Variants in MAN2B2 observed in about 807,000 individuals in gnomAD.
MAN2B2 encodes the protein mannosidase alpha class 2B member 2.
MAN2B2 carries 106 observed loss-of-function variants against 117.1 expected under a neutral mutation model. The ratio of observed to expected loss-of-function variants is 0.90; its 90% CI spans 0.77 to 1.06. The LOEUF (loss-of-function observed/expected upper bound fraction) is 1.06, where lower values mean the gene tolerates loss of function less well. MAN2B2 is among the 50% of genes least tolerant of loss of function. The pLI, the probability that MAN2B2 is intolerant of heterozygous loss-of-function variation, is 0.00. For missense variants in MAN2B2, 1,326 were observed against 1,381.4 expected, an observed-to-expected ratio of 0.96 and a Z score of 0.64; for synonymous variants, 544 against 595.1, an observed-to-expected ratio of 0.91 and a Z score of 1.25.
chr4:6,605,739 T>C (rs1577289652), intron 11 of MAN2B2, among the ~76,000 whole-genome samples: 1 of 151,768 alleles, frequency 6.6e-6, no homozygotes, highest in Non-Finnish European at 1.5e-5. Context: ...CACCCACTTA[T>C]CTACCCACCC....
In MAN2B2 at chr4:6,622,526, C is replaced by T. The variant is rs1712220317; in HGVS notation, c.*1241C>T. On this transcript the variant is annotated 3_prime_UTR_variant, in exon 19 of 19. Coordinates refer to ENST00000285599, the MANE Select transcript of MAN2B2 (RefSeq NM_015274.3). ...AGATCTCAGCTCACTGCGACCTGCACCTCCTGGGTTCAAGCAATTCTCCAG... is the reference window on the plus strand; with the variant it reads ...AGATCTCAGCTCACTGCGACCTGCATCTCCTGGGTTCAAGCAATTCTCCAG... The T allele has an allele frequency of 6.6e-6, 1 of 151,792 alleles. No individual in the cohort carries two copies. The highest frequency in any genetic ancestry group is 2.4e-5 in the African/African-American group (1 of 41,326). The allele number at this position is 151,792 out of a possible 1,614,324, so 9.4% of individuals were successfully genotyped here. A position where few individuals can be genotyped will look rare whatever the true frequency, so the allele number is the denominator to read the frequency against.
At chr4:6,575,787 T>G (rs1321698254) in intron 1 of MAN2B2, among the ~76,000 whole-genome samples, 1 of 152,308 alleles carries the variant, frequency 6.6e-6, no homozygotes, top group Admixed American at 6.5e-5. Flanking sequence ...AAGGTGGACC[T>G]GTGGTCACCT....
intron 3 of MAN2B2, 150 bp downstream of exon 3, chr4:6,578,648 A>G (rs1726162412): frequency 1.6e-6 from 1 of 636,088 alleles, no homozygotes; most frequent in South Asian, 1.9e-5. Flanking sequence ...TGCTAGTGCC[A>G]TATTCATGCC....
At chr4:6,598,767 A>T (rs540320486) in intron 9 of MAN2B2, among the ~76,000 whole-genome samples, 4 of 152,300 alleles carry the variant, frequency 2.6e-5, no homozygotes, top group Non-Finnish European at 5.9e-5. Context: ...CAGGGATTGA[A>T]CCTGAACACG....
rs1712234231 is a variant in MAN2B2, at chr4:6,622,899, G to C, written c.*1614G>C. 6.6e-6 allele frequency: 1 copy of C among 151,968 alleles called. No homozygotes were observed. Among genetic ancestry groups the C allele is most frequent in the African/African-American group, 2.4e-5 (1 of 41,012 alleles). 9.4% of individuals were successfully genotyped at this position (151,968 alleles called of 1,614,324 possible). A position where few individuals can be genotyped will look rare whatever the true frequency, so the allele number is the denominator to read the frequency against. ...GACAGTCTCTGGTTTGGCCAGGCAGGAGCTGGGCTGGAGTTGCTGACCAAG... is the reference window on the plus strand; with the variant it reads ...GACAGTCTCTGGTTTGGCCAGGCAGCAGCTGGGCTGGAGTTGCTGACCAAG... On this transcript the variant is annotated 3_prime_UTR_variant, in exon 19 of 19. Coordinates refer to ENST00000285599, the MANE Select transcript of MAN2B2 (RefSeq NM_015274.3).
chr4:6,583,067 G>A (rs993836616), intron 3 of MAN2B2, among the ~76,000 whole-genome samples: 6 of 152,190 alleles, frequency 3.9e-5, no homozygotes, highest in African/African-American at 1.4e-4. Context: ...CCATCTTGAT[G>A]TTCAGCCATC....
intron 10 of MAN2B2, among the ~76,000 whole-genome samples, chr4:6,601,765 A>C (rs1727339739): frequency 6.6e-6 from 1 of 152,218 alleles, no homozygotes; most frequent in Admixed American, 6.5e-5. Flanking sequence ...GCTCTGTGGC[A>C]AGAGCTGCAG....
At chr4:6,575,810 C>A (rs1726035126) in intron 1 of MAN2B2, among the ~76,000 whole-genome samples, 1 of 152,194 alleles carries the variant, frequency 6.6e-6, no homozygotes, top group Non-Finnish European at 1.5e-5. Flanking sequence ...TGGTTCTGCT[C>A]AGGACCTTGG....
chr4:6,593,940 G>A (rs1726965092), intron 6 of MAN2B2, among the ~76,000 whole-genome samples: 1 of 152,186 alleles, frequency 6.6e-6, no homozygotes, highest in African/African-American at 2.4e-5. Flanking sequence ...CCTTAGGGTG[G>A]CTAGGAAGGG....
chr4:6,619,713 G>A (rs998143150), intron 17 of MAN2B2: 6 of 512,542 alleles, frequency 1.2e-5, no homozygotes, highest in South Asian at 4.4e-5. Flanking sequence ...TGCACCTCCC[G>A]CTTCAGTGTC....
intron 3 of MAN2B2, among the ~76,000 whole-genome samples, chr4:6,581,114 TG>T (rs946626382): frequency 6.6e-6 from 1 of 152,086 alleles, no homozygotes; most frequent in African/African-American, 2.4e-5. Flanking sequence ...ATCTGGTAGA[TG>T]GGTAATCTTA....
intron 8 of MAN2B2, 147 bp downstream of exon 8, chr4:6,597,450 G>C (rs190783342): frequency 1.1e-6 from 1 of 897,996 alleles, no homozygotes; most frequent in East Asian, 3.1e-5. Flanking sequence ...TGGTTACAAG[G>C]CCAGTGCATG....
intron 18 of MAN2B2, chr4:6,620,464 C>CGAGA: frequency 5.0e-6 from 1 of 198,180 alleles, no homozygotes; most frequent in Non-Finnish European, 1.1e-5. Flanking sequence ...GCACCATGCC[C>CGAGA]TCTGCCTGGG....
chr4:6,597,342 TC>T, intron 8 of MAN2B2, 39 bp downstream of exon 8: 1 of 1,503,622 alleles, frequency 6.7e-7, no homozygotes, highest in South Asian at 1.3e-5. Flanking sequence ...GATTGGAACC[TC>T]CCATGCTGCG....
chr4:6,578,306 G>A, intron 2 of MAN2B2, 87 bp from the exon 3 acceptor site: 3 of 941,348 alleles, frequency 3.2e-6, no homozygotes, highest in Non-Finnish European at 5.0e-6. Context: ...TGCAGGGCGT[G>A]TGTGGCGCTG....
chr4:6,609,912 C>A lies in MAN2B2; in HGVS notation c.2121C>A (p.Gly707=), dbSNP rs200155334. 2.5e-6 allele frequency: 4 copies of A among 1,614,136 alleles called. No homozygotes were observed. In the African/African-American group the frequency reaches 5.3e-5, roughly 22 times the overall value. Residue 707 remains glycine (G), a synonymous_variant, in exon 13 of 19, where the codon GGC becomes GGA. Coordinates refer to ENST00000285599, the MANE Select transcript of MAN2B2 (RefSeq NM_015274.3). ...CHRIEQEYQA[G]PLELNREAVL... is the part of the protein sequence containing the mutation. ...GGATAGAGCAGGAGTACCAAGCCGG[C>A]CCCCTGGAGCTGAACCGTGAGGCTG...
Position 6,606,985 on chromosome 4 carries a change from G to A in MAN2B2, c.1814+1656G>A, listed in dbSNP as rs1275656872. Among the ~76,000 whole-genome samples the A allele has an allele frequency of 2.0e-5, 3 of 152,210 alleles. No homozygotes were observed. In the East Asian group the frequency reaches 5.8e-4, roughly 29 times the overall value. ...TCACCCATTTAAAGTGGGCAATTCA[G>A]TGGTTTCTGGTGCATTCACAGAGTT... On this transcript the variant is annotated intron_variant, in intron 11 of 18. Coordinates refer to ENST00000285599, the MANE Select transcript of MAN2B2 (RefSeq NM_015274.3).
At position 6,614,326 on chromosome 4, in the gene MAN2B2, A is replaced by C. The variant is rs1441100671; in HGVS notation, c.2672A>C (p.His891Pro). The C allele has an allele frequency of 6.2e-7, 1 of 1,613,980 alleles. No homozygotes were observed. Among genetic ancestry groups the C allele is most frequent in the African/African-American group, 1.3e-5 (1 of 74,938 alleles). ...SIPGWRYSSN[H>P]TEHSQNLRKG... Reference sequence around the variant, plus strand: ...CCTGGCTGGCGCTACAGCTCCAACCACACGGAGCACTCTCAGAATCTCCGG... The same window carrying C: ...CCTGGCTGGCGCTACAGCTCCAACCCCACGGAGCACTCTCAGAATCTCCGG... The change falls in exon 16 of 19, where the codon CAC (histidine) becomes CCC (proline). Residue 891 changes from histidine (H) to proline (P), a missense_variant. Coordinates refer to ENST00000285599, the MANE Select transcript of MAN2B2 (RefSeq NM_015274.3).
In MAN2B2 at chr4:6,598,289, G is replaced by C. The variant is rs773607740; in HGVS notation, c.1340G>C (p.Arg447Pro). The stretch of plus-strand genomic sequence containing the variant: ...CTGGCCTCGGGGATGCTGGGCATGC[G>C]CAAGCTGATGGCCTCCATCGTCCTA... The part of the protein sequence containing the change: ...THLASGMLGM[R>P]KLMASIVLDE... The change falls in exon 9 of 19, where the codon CGC becomes CCC. Residue 447 changes from arginine (R) to proline (P), a missense_variant. Arg to Pro is a moderately radical substitution (Grantham distance 103, BLOSUM62 -2). Transcript: ENST00000285599. The C allele has an allele frequency of 6.2e-7, 1 of 1,613,484 alleles. No homozygotes were observed. The highest frequency in any genetic ancestry group is 1.7e-5 in the Admixed American group (1 of 60,006).
Sources: allele counts gnomAD v4.1 joint callset (sites outside exome capture counted in the v4.1 genomes callset), GRCh38; gene constraint gnomAD v4.1.1; transcripts MANE v1.5; gene names NCBI Gene and HGNC (gene_info 2026-07-23, HGNC 2026-07-21).